The following STXBP5L variants were observed in gnomAD, a reference collection of about 807,000 sequenced individuals.
STXBP5L encodes syntaxin binding protein 5L.
A neutral mutation model predicts 144.5 loss-of-function variants in STXBP5L; 65 were observed. That is an observed-to-expected ratio of 0.45 (90% CI 0.37 to 0.55). STXBP5L has a LOEUF of 0.55. Among genes scored for constraint, STXBP5L ranks in the 20% least tolerant of loss-of-function variants. The pLI is 0.00. For missense variants in STXBP5L, 1,298 were observed against 1,405.5 expected (o/e 0.92, Z 1.22); for synonymous variants, 505 against 469.6 (o/e 1.08, Z -0.97).
chr3:121,096,641 G>A (rs192194318), intron 5 of STXBP5L, among the ~76,000 whole-genome samples: 8 of 152,088 alleles, frequency 5.3e-5, no homozygotes, highest in African/African-American at 1.4e-4. Context: ...CACTACAGAC[G>A]CTATTTGCCT....
Position 121,257,285 on chromosome 3 carries a change from A to G in STXBP5L, c.1784A>G (p.Asn595Ser). The G allele has an allele frequency of 1.2e-6, 2 of 1,613,586 alleles. No individual in the cohort carries two copies. Among genetic ancestry groups the G allele is most frequent in the Non-Finnish European group, 1.7e-6 (2 of 1,179,636 alleles). The change falls in exon 17 of 27, where the codon AAC (asparagine) becomes AGC (serine). Residue 595 changes from asparagine (N) to serine (S), a missense_variant. Asn to Ser is a conservative substitution (Grantham distance 46, BLOSUM62 1). Transcript: ENST00000471454. ...TCAAGGAGTCTTTCTGGGAGCACTA[A>G]CACTGTTGCTAGTGAAGGAGTAACA... ...PSSRSLSGST[N>S]TVASEGVTKD... is the part of the protein sequence containing the mutation.
chr3:121,008,583 T>G (rs907924647), intron 3 of STXBP5L, among the ~76,000 whole-genome samples: 4 of 152,066 alleles, frequency 2.6e-5, no homozygotes, highest in African/African-American at 9.7e-5. Context: ...TCATCTTGAA[T>G]AATAACACAC....
chr3:121,137,192 A>G (rs1156482162), intron 7 of STXBP5L, among the ~76,000 whole-genome samples: 4 of 152,170 alleles, frequency 2.6e-5, no homozygotes, highest in Non-Finnish European at 5.9e-5. Flanking sequence ...CAATTTCCCC[A>G]TGTACCAAAC....
At chr3:121,176,186 A>G (rs919665375) in intron 9 of STXBP5L, among the ~76,000 whole-genome samples, 1 of 152,026 alleles carries the variant, frequency 6.6e-6, no homozygotes, top group African/African-American at 2.4e-5. Context: ...CCTGAACCCT[A>G]TCAACTGATT....
chr3:121,056,108 C>T (rs972328322), intron 5 of STXBP5L, among the ~76,000 whole-genome samples: 2 of 152,026 alleles, frequency 1.3e-5, no homozygotes, highest in Admixed American at 6.6e-5. Context: ...TCTGGTAAGG[C>T]TTATATATTA....
intron 3 of STXBP5L, among the ~76,000 whole-genome samples, chr3:121,018,383 A>G (rs765619069): frequency 3.3e-4 from 51 of 152,320 alleles, no homozygotes; most frequent in Middle Eastern, 6.8e-3. Flanking sequence ...AAATAGATCA[A>G]TGATACAAAA....
At chr3:121,120,617 C>T (rs1315528953) in intron 6 of STXBP5L, among the ~76,000 whole-genome samples, 1 of 151,180 alleles carries the variant, frequency 6.6e-6, no homozygotes, top group Non-Finnish European at 1.5e-5. Context: ...CAAAATTCAT[C>T]AATATCCAAT....
At chr3:121,322,950 T>A (rs1456739682) in intron 20 of STXBP5L, among the ~76,000 whole-genome samples, 3 of 152,216 alleles carry the variant, frequency 2.0e-5, no homozygotes, top group Admixed American at 1.3e-4. Flanking sequence ...TGATTAATGA[T>A]GCTGAGCACT....
intron 19 of STXBP5L, among the ~76,000 whole-genome samples, chr3:121,289,285 T>G (rs529618094): frequency 2.6e-5 from 4 of 152,202 alleles, no homozygotes; most frequent in African/African-American, 9.6e-5. Flanking sequence ...GAATGTCCCT[T>G]CTTGTTTAAA....
chr3:121,224,373 A>G (rs946536723), intron 11 of STXBP5L, among the ~76,000 whole-genome samples: 2 of 152,170 alleles, frequency 1.3e-5, no homozygotes, highest in Non-Finnish European at 2.9e-5. Context: ...TCAATGTAGC[A>G]CTTTATTTCC....
chr3:121,133,713 G>C (rs9809871), intron 7 of STXBP5L, among the ~76,000 whole-genome samples: 15,106 of 152,212 alleles, frequency 0.099, 1,179 homozygotes, highest in Admixed American at 0.2. Flanking sequence ...GATACTATCT[G>C]AGACTGGGTA....
At chr3:121,258,927 T>A (rs2050295282) in intron 17 of STXBP5L, 116 bp from the exon 18 acceptor site, 10 of 999,228 alleles carry the variant, frequency 1.0e-5, no homozygotes, top group East Asian at 3.1e-5. Context: ...ATCTGCATGC[T>A]GCCTGCAATG....
chr3:121,064,432 C>T (rs575538458), intron 5 of STXBP5L, among the ~76,000 whole-genome samples: 9 of 152,324 alleles, frequency 5.9e-5, no homozygotes, highest in African/African-American at 2.2e-4. Flanking sequence ...TCTTGCCAGC[C>T]GCTCTTGCAT....
chr3:121,071,938 T>A (rs1460607730), intron 5 of STXBP5L, among the ~76,000 whole-genome samples: 3 of 152,220 alleles, frequency 2.0e-5, no homozygotes, highest in African/African-American at 7.2e-5. Flanking sequence ...CAGCACCTGA[T>A]CCCACCTTAG....
At chr3:120,930,934 C>T (rs1709900849) in intron 2 of STXBP5L, among the ~76,000 whole-genome samples, 5 of 152,232 alleles carry the variant, frequency 3.3e-5, no homozygotes, top group Middle Eastern at 3.4e-3. Context: ...TTCTATCTTT[C>T]TGCCTGTTCT....
chr3:121,254,763 A>T, intron 15 of STXBP5L, 132 bp from the exon 16 acceptor site: 2 of 757,010 alleles, frequency 2.6e-6, no homozygotes, highest in Non-Finnish European at 4.2e-6. Flanking sequence ...TGAATGCTTT[A>T]CTGGTTAAAA....
At chr3:121,213,960 T>C (rs978576750) in intron 10 of STXBP5L, among the ~76,000 whole-genome samples, 1 of 152,198 alleles carries the variant, frequency 6.6e-6, no homozygotes. Flanking sequence ...TAGGAATTTA[T>C]CCATTTCTTC....
chr3:120,954,093 AC>A (rs1168581686), intron 2 of STXBP5L, among the ~76,000 whole-genome samples: 1 of 152,106 alleles, frequency 6.6e-6, no homozygotes, highest in Non-Finnish European at 1.5e-5. Flanking sequence ...CCATCTGTCC[AC>A]CCAGGTATCT....
chr3:121,334,847 C>T (rs2044449030), intron 20 of STXBP5L, among the ~76,000 whole-genome samples: 1 of 152,136 alleles, frequency 6.6e-6, no homozygotes, highest in Non-Finnish European at 1.5e-5. Flanking sequence ...AAACCCACAG[C>T]CAACATCATA....
Sources: allele counts gnomAD v4.1 joint callset (sites outside exome capture counted in the v4.1 genomes callset), GRCh38; gene constraint gnomAD v4.1.1; transcripts MANE v1.5; gene names NCBI Gene and HGNC (gene_info 2026-07-23, HGNC 2026-07-21).